Variants in B3GALT1 observed in about 807,000 individuals in gnomAD.
B3GALT1 encodes UDP-Gal:betaGlcNAc beta 1,3-galactosyltransferase, polypeptide 1.
Under a neutral mutation model 23.2 loss-of-function variants are expected in B3GALT1, and 10 were observed. The observed-to-expected ratio is 0.43, with a 90% CI of 0.27 to 0.73. The LOEUF (loss-of-function observed/expected upper bound fraction) is 0.73. Among genes scored for constraint, B3GALT1 ranks in the 30% least tolerant of loss-of-function variants. The pLI is 0.21. For missense variants in B3GALT1, 299 were observed against 405.4 expected (o/e 0.74, Z 2.25); for synonymous variants, 156 against 141.5 (o/e 1.10, Z -0.73).
At chr2:167,392,644 A>C (rs1698031071) in intron 1 of B3GALT1, among the ~76,000 whole-genome samples, 1 of 152,216 alleles carries the variant, frequency 6.6e-6, no homozygotes, top group African/African-American at 2.4e-5. Flanking sequence ...AAAAATAATT[A>C]AGATTACTTG....
At chr2:167,850,120 G>A (rs1052105327) in intron 4 of B3GALT1, among the ~76,000 whole-genome samples, 1 of 152,178 alleles carries the variant, frequency 6.6e-6, no homozygotes, top group East Asian at 1.9e-4. Flanking sequence ...CCACAGGGTG[G>A]GAGAAAATCT....
At chr2:167,597,915 G>A (rs1294531777) in intron 2 of B3GALT1, among the ~76,000 whole-genome samples, 1 of 152,128 alleles carries the variant, frequency 6.6e-6, no homozygotes, top group African/African-American at 2.4e-5. Context: ...AGAAAGCAGT[G>A]GTGAGAAGGT....
At chr2:167,422,121 G>A (rs1334919623) in intron 1 of B3GALT1, among the ~76,000 whole-genome samples, 1 of 151,414 alleles carries the variant, frequency 6.6e-6, no homozygotes, top group Non-Finnish European at 1.5e-5. Context: ...AGAATAAGAA[G>A]GGAGGAGAAG....
chr2:167,334,023 A>G (rs2105242061), intron 1 of B3GALT1, among the ~76,000 whole-genome samples: 1 of 152,288 alleles, frequency 6.6e-6, no homozygotes, highest in Non-Finnish European at 1.5e-5. Flanking sequence ...CTTTTATTCA[A>G]GTTCTTTTTA....
At chr2:167,586,510 A>G (rs1000220736) in intron 2 of B3GALT1, among the ~76,000 whole-genome samples, 63 of 152,272 alleles carry the variant, frequency 4.1e-4, no homozygotes, top group African/African-American at 1.4e-3. Context: ...CATGTTAGCC[A>G]GGATGGTCTC....
chr2:167,664,461 A>C (rs1456998374), intron 3 of B3GALT1, among the ~76,000 whole-genome samples: 4 of 151,944 alleles, frequency 2.6e-5, no homozygotes, highest in East Asian at 3.9e-4. Context: ...TTTTGGTTCT[A>C]TATGAACTTT....
At chr2:167,541,428 T>C (rs2105373985) in intron 2 of B3GALT1, among the ~76,000 whole-genome samples, 1 of 152,312 alleles carries the variant, frequency 6.6e-6, no homozygotes, top group South Asian at 2.1e-4. Context: ...CTTTTCTTTG[T>C]ACCACTTTTT....
At chr2:167,583,385 A>G (rs747643046) in intron 2 of B3GALT1, among the ~76,000 whole-genome samples, 1 of 152,166 alleles carries the variant, frequency 6.6e-6, no homozygotes, top group Non-Finnish European at 1.5e-5. Flanking sequence ...GTTCTTGTTC[A>G]TACGTTAAAG....
At chr2:167,819,974 C>T (rs1689072814) in intron 4 of B3GALT1, among the ~76,000 whole-genome samples, 1 of 152,196 alleles carries the variant, frequency 6.6e-6, no homozygotes, top group Non-Finnish European at 1.5e-5. Flanking sequence ...CAAGAGGACC[C>T]TCTGATGAGG....
At chr2:167,556,546 G>C (rs935014225) in intron 2 of B3GALT1, among the ~76,000 whole-genome samples, 39 of 152,122 alleles carry the variant, frequency 2.6e-4, no homozygotes, top group Non-Finnish European at 1.0e-4. Flanking sequence ...TTTAAAACTT[G>C]TCTTTTTAAT....
intron 2 of B3GALT1, among the ~76,000 whole-genome samples, chr2:167,510,407 G>T (rs200453773): frequency 0.019 from 2,124 of 109,696 alleles, 17 homozygotes; most frequent in African/African-American, 0.039. Flanking sequence ...TGCAAGTTTT[G>T]TTTTTTTTTT....
At chr2:167,747,779 A>C (rs946897766) in intron 3 of B3GALT1, among the ~76,000 whole-genome samples, 1 of 152,214 alleles carries the variant, frequency 6.6e-6, no homozygotes, top group Non-Finnish European at 1.5e-5. Flanking sequence ...ATTAACTTGT[A>C]GATGATCAAA....
chr2:167,329,820 T>C (rs2105238777), intron 1 of B3GALT1, among the ~76,000 whole-genome samples: 1 of 152,294 alleles, frequency 6.6e-6, no homozygotes, highest in Admixed American at 6.5e-5. Flanking sequence ...TTGTTTTTTT[T>C]TTTCCTCTTT....
intron 3 of B3GALT1, among the ~76,000 whole-genome samples, chr2:167,664,574 T>C (rs1022058032): frequency 2.6e-5 from 4 of 151,960 alleles, no homozygotes; most frequent in African/African-American, 9.7e-5. Flanking sequence ...TTTCACGATA[T>C]TGATTCTTCC....
chr2:167,537,643 T>C (rs1683451679), intron 2 of B3GALT1, among the ~76,000 whole-genome samples: 1 of 152,012 alleles, frequency 6.6e-6, no homozygotes, highest in East Asian at 1.9e-4. Flanking sequence ...CCTGATACCA[T>C]CACAAAGCAT....
intron 1 of B3GALT1, among the ~76,000 whole-genome samples, chr2:167,426,269 T>C (rs998364357): frequency 6.6e-6 from 1 of 151,288 alleles, no homozygotes; most frequent in African/African-American, 2.4e-5. Flanking sequence ...AGGATTTGTT[T>C]ATCATTCTTT....
intron 3 of B3GALT1, among the ~76,000 whole-genome samples, chr2:167,666,523 T>C (rs1358117043): frequency 6.6e-5 from 10 of 151,362 alleles, no homozygotes; most frequent in Non-Finnish European, 1.3e-4. Context: ...TTCTGTCTTG[T>C]TGATCTGTCT....
intron 2 of B3GALT1, among the ~76,000 whole-genome samples, chr2:167,607,124 A>ATT (rs1684976167): frequency 6.6e-6 from 1 of 152,190 alleles, no homozygotes; most frequent in Admixed American, 6.5e-5. Context: ...AACAAGAAGA[A>ATT]AACAGATTAT....
intron 3 of B3GALT1, among the ~76,000 whole-genome samples, chr2:167,774,497 G>GTTTTTTTTTTTTTTTTT (rs397986581): frequency 6.0e-5 from 5 of 82,986 alleles, no homozygotes; most frequent in East Asian, 3.2e-4. Context: ...TTTTTTTTTT[G>GTTTTTTTTTTTTTTTTT]TTTTTTTTTT....
Sources: gnomAD v4.1 joint callset for allele counts (sites outside exome capture counted in the v4.1 genomes callset) on GRCh38, gnomAD v4.1.1 for gene constraint, MANE v1.5 for transcripts, NCBI Gene and HGNC (gene_info 2026-07-23, HGNC 2026-07-21) for gene names.